Variants in GALNT13 observed in about 807,000 individuals in gnomAD.
GALNT13 encodes UDP-GalNAc:polypeptide N-acetylgalactosaminyltransferase 13.
In GALNT13, 28 loss-of-function variants were observed where a neutral mutation model predicts 64.2. The observed-to-expected ratio is 0.44, with a 90% CI of 0.32 to 0.60. GALNT13 has a LOEUF of 0.60. Ranked by LOEUF, GALNT13 falls within the 20% of genes least tolerant of loss-of-function variation. The pLI, the probability that GALNT13 is intolerant of heterozygous loss-of-function variation, is 0.05. For synonymous variants in GALNT13, 214 were observed against 224.6 expected (o/e 0.95, Z 0.42); for missense variants, 577 against 669.8 (o/e 0.86, Z 1.53).
the GALNT13 span, among the ~76,000 whole-genome samples, chr2:153,209,701 A>C: frequency 6.6e-6 from 1 of 152,116 alleles, no homozygotes; most frequent in Non-Finnish European, 1.5e-5. Flanking sequence ...TTTTACAAAA[A>C]AATCCTGCCG....
chr2:153,359,609 A>C, the GALNT13 span, among the ~76,000 whole-genome samples: 1 of 141,978 alleles, frequency 7.0e-6, no homozygotes, highest in Non-Finnish European at 1.5e-5. Flanking sequence ...ACACAATGGG[A>C]CACCAAAATC....
intron 2 of GALNT13, among the ~76,000 whole-genome samples, chr2:153,935,084 C>A (rs1690807003): frequency 6.6e-6 from 1 of 152,164 alleles, no homozygotes; most frequent in African/African-American, 2.4e-5. Context: ...CTTCTAACAA[C>A]AGGATTAGGC....
At chr2:154,163,639 C>A (rs982905039) in intron 4 of GALNT13, among the ~76,000 whole-genome samples, 3 of 152,102 alleles carry the variant, frequency 2.0e-5, no homozygotes, top group Non-Finnish European at 4.4e-5. Context: ...TATTCTTTAG[C>A]ATAATCAGAA....
chr2:153,593,384 C>G, the GALNT13 span: 1 of 152,228 alleles, frequency 6.6e-6, no homozygotes, highest in East Asian at 1.9e-4. Context: ...CTCCAGTGAG[C>G]TGGGAATCTC....
At chr2:154,378,830 A>C (rs1296521354) in intron 9 of GALNT13, among the ~76,000 whole-genome samples, 1 of 152,140 alleles carries the variant, frequency 6.6e-6, no homozygotes, top group Admixed American at 6.6e-5. Context: ...TGTCAATGGA[A>C]ATAATATAAA....
chr2:153,323,757 A>G, the GALNT13 span, among the ~76,000 whole-genome samples: 5 of 152,144 alleles, frequency 3.3e-5, no homozygotes, highest in East Asian at 9.6e-4. Flanking sequence ...TCCTTTCCCC[A>G]TTGCTTGTTT....
At chr2:153,383,090 T>A in the GALNT13 span, among the ~76,000 whole-genome samples, 361 of 152,250 alleles carry the variant, frequency 2.4e-3, 3 homozygotes, top group African/African-American at 8.0e-3. Flanking sequence ...TGTTCAAATG[T>A]TCAGTTTCTT....
chr2:153,480,031 C>T, the GALNT13 span, among the ~76,000 whole-genome samples: 4 of 152,164 alleles, frequency 2.6e-5, no homozygotes, highest in Admixed American at 6.5e-5. Context: ...TAAATGTTCT[C>T]ACCACAAAGA....
intron 3 of GALNT13, among the ~76,000 whole-genome samples, chr2:154,014,217 G>T (rs1200308511): frequency 6.6e-6 from 1 of 152,146 alleles, no homozygotes; most frequent in Non-Finnish European, 1.5e-5. Flanking sequence ...CAAACCTTCT[G>T]AGCTATGCCC....
chr2:154,163,661 C>T (rs1389582828), intron 4 of GALNT13, among the ~76,000 whole-genome samples: 2 of 152,088 alleles, frequency 1.3e-5, no homozygotes, highest in African/African-American at 4.8e-5. Context: ...CATATCTGTA[C>T]AGTAACAAGC....
the GALNT13 span, among the ~76,000 whole-genome samples, chr2:153,494,246 C>A: frequency 6.6e-6 from 1 of 151,924 alleles, no homozygotes; most frequent in Non-Finnish European, 1.5e-5. Flanking sequence ...CAACACAATT[C>A]CAATCCAAAT....
intron 4 of GALNT13, among the ~76,000 whole-genome samples, chr2:154,234,279 T>A (rs1372587453): frequency 2.0e-5 from 3 of 152,172 alleles, no homozygotes; most frequent in Non-Finnish European, 4.4e-5. Flanking sequence ...TTCTGTACAG[T>A]GCTTCATATT....
the GALNT13 span, among the ~76,000 whole-genome samples, chr2:153,497,941 T>C: frequency 6.6e-6 from 1 of 152,208 alleles, no homozygotes. Flanking sequence ...AAAATGAGAA[T>C]GTTGCTTTGT....
chr2:154,404,127 G>T (rs1216697235), intron 10 of GALNT13, among the ~76,000 whole-genome samples: 1 of 152,054 alleles, frequency 6.6e-6, no homozygotes, highest in Non-Finnish European at 1.5e-5. Context: ...CTTGACTTCA[G>T]TTCCTATTTT....
chr2:153,488,461 T>A, the GALNT13 span, among the ~76,000 whole-genome samples: 1 of 152,184 alleles, frequency 6.6e-6, no homozygotes, highest in African/African-American at 2.4e-5. Context: ...CAATTATTTT[T>A]CAGGCTGCTG....
chr2:154,308,239 A>G (rs183455588), intron 9 of GALNT13, among the ~76,000 whole-genome samples: 1 of 152,058 alleles, frequency 6.6e-6, no homozygotes, highest in East Asian at 1.9e-4. Context: ...ATTACAGAAG[A>G]CTCCTTGAAC....
At chr2:153,551,183 C>T in the GALNT13 span, among the ~76,000 whole-genome samples, 11 of 152,218 alleles carry the variant, frequency 7.2e-5, no homozygotes, top group South Asian at 6.2e-4. Flanking sequence ...TGTAGGTTAT[C>T]GCCTAGGGGG....
At chr2:153,548,355 A>C in the GALNT13 span, among the ~76,000 whole-genome samples, 1 of 152,226 alleles carries the variant, frequency 6.6e-6, no homozygotes, top group African/African-American at 2.4e-5. Flanking sequence ...ATATTAAGCA[A>C]AATGTGTGTC....
the GALNT13 span, among the ~76,000 whole-genome samples, chr2:153,397,445 T>A: frequency 6.6e-6 from 1 of 152,122 alleles, no homozygotes; most frequent in African/African-American, 2.4e-5. Flanking sequence ...GTGCACTGAC[T>A]TTTCATGAAA....
Sources: gnomAD v4.1 joint callset for allele counts (sites outside exome capture counted in the v4.1 genomes callset) on GRCh38, gnomAD v4.1.1 for gene constraint, MANE v1.5 for transcripts, NCBI Gene and HGNC (gene_info 2026-07-23, HGNC 2026-07-21) for gene names.